Variants in PLXND1 observed in about 807,000 individuals in gnomAD.
The protein encoded by PLXND1 is plexin-D1.
In PLXND1, 54 loss-of-function variants were observed where a neutral mutation model predicts 197.7. The observed-to-expected ratio is 0.27, with a 90% CI of 0.22 to 0.34. PLXND1 has a LOEUF of 0.34. Among genes scored for constraint, PLXND1 ranks in the 10% least tolerant of loss-of-function variants. The pLI is 1.00. For synonymous variants in PLXND1, 1,180 were observed against 1,161.2 expected (o/e 1.02, Z -0.33); for missense variants, 2,127 against 2,699.2 (o/e 0.79, Z 4.70).
rs1425141846 is a variant in PLXND1 at position 129,559,701 on chromosome 3, T to A, written c.5216A>T (p.Tyr1739Phe). 1 of 1,613,352 alleles carries A rather than the reference T, an allele frequency of 6.2e-7. No individual in the cohort carries two copies. The highest frequency in any genetic ancestry group is 2.2e-5 in the East Asian group (1 of 44,864). ...REDKPPLAVKYFFDFLEEQAE... is the reference protein window; with the variant it reads ...REDKPPLAVKFFFDFLEEQAE... ...CTGCTCCTCCAGGAAGTCGAAAAAG[T>A]ACTTGACAGCCAGTGGGGGCTTGTC... The change falls in exon 32 of 36, where the codon TAC (tyrosine) becomes TTC (phenylalanine). Residue 1739 changes from tyrosine (Y) to phenylalanine (F), a missense_variant. Around this residue, in one of 6 missense-constraint regions of PLXND1, gnomAD observed 200 missense variants for 303.3 expected, o/e 0.66. Transcript: ENST00000324093.
chr3:129,587,512 G>C (rs907600932), intron 2 of PLXND1, among the ~76,000 whole-genome samples: 1 of 152,316 alleles, frequency 6.6e-6, no homozygotes, highest in East Asian at 1.9e-4. Context: ...GCCTGGCCCT[G>C]CCTGTTCCCA....
intron 2 of PLXND1, among the ~76,000 whole-genome samples, chr3:129,588,062 T>G (rs1037164483): frequency 2.0e-5 from 3 of 152,238 alleles, no homozygotes; most frequent in Non-Finnish European, 2.9e-5. Flanking sequence ...CCAGGGCCTG[T>G]GCTGGGTGTG....
intron 22 of PLXND1, among the ~76,000 whole-genome samples, chr3:129,567,184 G>A (rs1306153650): frequency 6.6e-6 from 1 of 151,056 alleles, no homozygotes; most frequent in African/African-American, 2.5e-5. Flanking sequence ...AGGCTGGCCT[G>A]GGACAGCCCT....
intron 25 of PLXND1, 51 bp downstream of exon 25, chr3:129,565,289 G>T: frequency 6.6e-7 from 1 of 1,521,922 alleles, no homozygotes; most frequent in Non-Finnish European, 9.1e-7. Flanking sequence ...CTGCCGCTGA[G>T]TCCCTGCCAC....
Position 129,605,436 on chromosome 3 carries a change from C to G in PLXND1, c.1204G>C (p.Ala402Pro), listed in dbSNP as rs2085773965. The G allele has an allele frequency of 6.7e-7, 1 of 1,503,378 alleles. No homozygotes were observed. The allele number at this position is 1,503,378 out of a possible 1,614,324, so 93.1% of individuals were successfully genotyped here. The change falls in exon 1 of 36, where the codon GCT (alanine) becomes CCT (proline). Residue 402 changes from alanine to proline, a missense_variant. Ala to Pro is a conservative substitution (Grantham distance 27, BLOSUM62 -1). Around this residue, in one of 6 missense-constraint regions of PLXND1, gnomAD observed 1,095 missense variants for 1,259.8 expected, o/e 0.87. Coordinates refer to ENST00000324093, the MANE Select transcript of PLXND1 (RefSeq NM_015103.3). ...TCCACGAAGCAGGCGGTGCGCGCAG[C>G]TCGGATGGCGGCTCGCACGTCGGCG... is the stretch of plus-strand genomic sequence containing the variant. The part of the protein sequence containing the change: ...RFADVRAAIR[A>P]ARTACFVEPA...
In PLXND1 at chr3:129,606,431, G is replaced by C. The variant is rs1195413215; in HGVS notation, c.209C>G (p.Thr70Ser). Residue 70 changes from threonine to serine, a missense_variant, in exon 1 of 36, where the codon ACC becomes AGC. By Grantham distance (58) the Thr-to-Ser change is moderately conservative (BLOSUM62 1). Coordinates refer to ENST00000324093, the MANE Select transcript of PLXND1 (RefSeq NM_015103.3). ...GCGGTTGACGGCCGCCAGGTACACG[G>C]TCCCCGCCGCGCCGTCCAGGGCGAA... ...NNFALDGAAGTVYLAAVNRLY... is the reference protein window; with the variant it reads ...NNFALDGAAGSVYLAAVNRLY... The C allele has an allele frequency of 2.7e-6, 4 of 1,481,608 alleles. No individual in the cohort carries two copies. The highest frequency in any genetic ancestry group is 3.6e-6 in the Non-Finnish European group (4 of 1,122,596). The allele number at this position is 1,481,608 out of a possible 1,614,324, so 91.8% of individuals were successfully genotyped here.
Position 129,571,758 on chromosome 3 carries a change from C to A in PLXND1, c.3164G>T (p.Gly1055Val), listed in dbSNP as rs144636545. Residue 1055 changes from glycine to valine, a missense_variant, in exon 16 of 36, where the codon GGC (glycine) becomes GTC (valine). Gly to Val is a moderately radical substitution (Grantham distance 109, BLOSUM62 -3). Coordinates refer to ENST00000324093, the MANE Select transcript of PLXND1 (RefSeq NM_015103.3). ...GAAGGTGAGGTTGCCGTGCACGCAGCCCCGACGCTCGAAGCGCACACACAC... is the reference window on the plus strand; with the variant it reads ...GAAGGTGAGGTTGCCGTGCACGCAGACCCGACGCTCGAAGCGCACACACAC... ...VPVCVRFERR[G>V]CVHGNLTFWY... 6.2e-7 allele frequency: 1 copy of A among 1,613,358 alleles called. No homozygotes were observed. The highest frequency in any genetic ancestry group is 2.2e-5 in the East Asian group (1 of 44,880).
In PLXND1 at chr3:129,563,137, C is replaced by T. The variant is rs2713625; in HGVS notation, c.4625G>A (p.Ser1542Asn). The T allele has an allele frequency of 1, 1,613,561 of 1,613,716 alleles. 806,703 individuals carry two copies. Among genetic ancestry groups the T allele is most frequent in the East Asian group, 1 (44,870 of 44,870 alleles). ...AITGKARYTL[S>N]EEWLLRENIE... is the part of the protein sequence containing the mutation. ...GTTCTCCCGCAGCAGCCACTCCTCACTGAGTGTGTAGCGGGCCTTGCCTGT... is the reference window on the plus strand; with the variant it reads ...GTTCTCCCGCAGCAGCCACTCCTCATTGAGTGTGTAGCGGGCCTTGCCTGT... The change falls in exon 26 of 36, where the codon AGT becomes AAT. Residue 1542 changes from serine to asparagine, a missense_variant. Physicochemically the swap from Ser to Asn is conservative, Grantham distance 46 (BLOSUM62 1). Around this residue, in one of 6 missense-constraint regions of PLXND1, gnomAD observed 532 missense variants for 811.0 expected, o/e 0.66. Transcript: ENST00000324093.
chr3:129,581,865 G>T (rs1327381393), intron 8 of PLXND1, among the ~76,000 whole-genome samples: 1 of 152,252 alleles, frequency 6.6e-6, no homozygotes, highest in Non-Finnish European at 1.5e-5. Context: ...CTAGGTTAGC[G>T]CACAAGAAGC....
At chr3:129,592,829 G>GGCTCAAACACGGAAGCCCA (rs1560080240) in intron 1 of PLXND1, among the ~76,000 whole-genome samples, 2 of 152,216 alleles carry the variant, frequency 1.3e-5, no homozygotes, top group Non-Finnish European at 2.9e-5. Context: ...AAGGCAAACC[G>GGCTCAAACACGGAAGCCCA]GCTCAAACAC....
intron 3 of PLXND1, 37 bp downstream of exon 3, chr3:129,586,551 G>A (rs1477650289): frequency 6.4e-6 from 10 of 1,556,706 alleles, no homozygotes; most frequent in Middle Eastern, 1.7e-4. Flanking sequence ...GGCTCGGCTG[G>A]TGCTGGGATG....
chr3:129,584,531 G>C lies in PLXND1; in HGVS notation c.1883C>G (p.Pro628Arg). The C allele has an allele frequency of 6.2e-7, 1 of 1,612,320 alleles. No homozygotes were observed. The highest frequency in any genetic ancestry group is 8.5e-7 in the Non-Finnish European group (1 of 1,179,054). Reference protein sequence around the residue: ...GMILQISGSLPSLSGMEMACD... With the variant: ...GMILQISGSLRSLSGMEMACD... ...GGCCATCTCCATGCCACTGAGGCTG[G>C]GCAGGCTGCCCGAGATCTGCAGGAT... The change falls in exon 6 of 36, where the codon CCC becomes CGC. Residue 628 changes from proline (P) to arginine (R), a missense_variant. By Grantham distance (103) the Pro-to-Arg change is moderately radical. Coordinates refer to ENST00000324093, the MANE Select transcript of PLXND1 (RefSeq NM_015103.3).
intron 25 of PLXND1, among the ~76,000 whole-genome samples, chr3:129,565,092 T>A (rs147238729): frequency 1.3e-5 from 2 of 152,356 alleles, no homozygotes; most frequent in Non-Finnish European, 2.9e-5. Context: ...ACAAGGCCCC[T>A]GACACAACCT....
At position 129,573,700 on chromosome 3, in the gene PLXND1, T is replaced by G. The variant is rs778541089; in HGVS notation, c.2731A>C (p.Ile911Leu). 1 of 1,613,702 alleles carries G rather than the reference T, an allele frequency of 6.2e-7. No homozygotes were observed. Among genetic ancestry groups the G allele is most frequent in the East Asian group, 2.2e-5 (1 of 44,882 alleles). ...CGCCGGCCCAGGTTCCTTCCTCGGA[T>G]GGTCAGCAGGGTCCCACCGTCCAAC... ...GPLDGGTLLT[I>L]RGRNLGRRLS... The change falls in exon 13 of 36, where the codon ATC becomes CTC. Residue 911 changes from isoleucine to leucine, a missense_variant. Around this residue, in one of 6 missense-constraint regions of PLXND1, gnomAD observed 1,095 missense variants for 1,259.8 expected, o/e 0.87. Coordinates refer to ENST00000324093, the MANE Select transcript of PLXND1 (RefSeq NM_015103.3).
chr3:129,570,199 T>TC (rs1352365887), intron 19 of PLXND1, among the ~76,000 whole-genome samples: 2 of 152,080 alleles, frequency 1.3e-5, no homozygotes, highest in Non-Finnish European at 2.9e-5. Context: ...GCTGTGATTA[T>TC]CATTACAGCC....
At chr3:129,580,208 G>A (rs374533342) in intron 8 of PLXND1, among the ~76,000 whole-genome samples, 1 of 150,788 alleles carries the variant, frequency 6.6e-6, no homozygotes, top group East Asian at 2.0e-4. Flanking sequence ...AGTTCCCCTA[G>A]GGACAGGGTC....
At chr3:129,567,005 AG>A (rs2085150480) in intron 22 of PLXND1, among the ~76,000 whole-genome samples, 1 of 152,136 alleles carries the variant, frequency 6.6e-6, no homozygotes, top group South Asian at 2.1e-4. Flanking sequence ...TGGTGTGGAC[AG>A]GGGAGAGAGG....
intron 29 of PLXND1, chr3:129,561,025 GAC>G (rs1292058870): frequency 1.1e-5 from 6 of 536,430 alleles, no homozygotes; most frequent in Admixed American, 4.5e-5. Context: ...GAGAGAGAAA[GAC>G]ACACACACAG....
Position 129,578,383 on chromosome 3 carries a change from A to T in PLXND1, c.2292T>A (p.Pro764=). ...CCAGGATGTTCTGGGAGCCACCCGT[A>T]GGCACGGGTGCCAGGGGTGAGAGCA... The part of the protein sequence containing the change: ...RTLLSPLAPV[P]TGGSQNILVP... The change falls in exon 9 of 36, where the codon CCT becomes CCA. Residue 764 remains proline, a synonymous_variant. Coordinates refer to ENST00000324093, the MANE Select transcript of PLXND1 (RefSeq NM_015103.3). 6.2e-7 allele frequency: 1 copy of T among 1,606,948 alleles called. No individual in the cohort carries two copies. Among genetic ancestry groups the T allele is most frequent in the Admixed American group, 1.7e-5 (1 of 58,836 alleles).
Sources: allele counts gnomAD v4.1 joint callset (sites outside exome capture counted in the v4.1 genomes callset), GRCh38; gene constraint gnomAD v4.1.1; regional missense constraint gnomAD v4.1.1; transcripts MANE v1.5; gene names NCBI Gene and HGNC (gene_info 2026-07-23, HGNC 2026-07-21).